PACS2: variants seen among roughly 807,000 people sequenced by gnomAD.
The protein encoded by PACS2 is PACS1-like protein.
PACS2 carries 36 observed loss-of-function variants against 113.0 expected under a neutral mutation model. The ratio of observed to expected loss-of-function variants is 0.32; its 90% CI spans 0.24 to 0.42. The LOEUF (loss-of-function observed/expected upper bound fraction) is 0.42. Ranked by LOEUF, PACS2 falls within the 10% of genes least tolerant of loss-of-function variation. PACS2 has a pLI of 1.00. For synonymous variants in PACS2, 589 were observed against 536.1 expected, an observed-to-expected ratio of 1.10 and a Z score of -1.36; for missense variants, 1,015 against 1,239.5, an observed-to-expected ratio of 0.82 and a Z score of 2.72.
chr14:105,380,563 C>T (rs1353925838), intron 11 of PACS2, among the ~76,000 whole-genome samples: 5 of 151,382 alleles, frequency 3.3e-5, no homozygotes, highest in Middle Eastern at 3.4e-3. Context: ...TCCCCAGACT[C>T]ACCCTACCTT....
intron 1 of PACS2, among the ~76,000 whole-genome samples, chr14:105,320,136 C>G (rs2140833213): frequency 6.6e-6 from 1 of 152,132 alleles, no homozygotes; most frequent in African/African-American, 2.4e-5. Flanking sequence ...CACCACCACG[C>G]CCAGCGAATT....
rs782151393 is a variant in PACS2, at chr14:105,368,504, C to T, written c.706C>T (p.Arg236Trp). ...TGACGTGGGGAAGCCGAAGAAGCAG[C>T]GGAGATCGATTGTAAGAACGACGTC... ...DFDVGKPKKQ[R>W]RSIVRTTSMT... The change falls in exon 7 of 25, where the codon CGG becomes TGG. Residue 236 changes from arginine (R) to tryptophan (W), a missense_variant. By Grantham distance (101) the Arg-to-Trp change is moderately radical. Around this residue, in one of 3 missense-constraint regions of PACS2, gnomAD observed 859 missense variants for 1,056.8 expected, o/e 0.81. Coordinates refer to ENST00000447393, the MANE Select transcript of PACS2 (RefSeq NM_001100913.3). 3.1e-6 allele frequency: 5 copies of T among 1,614,008 alleles called. No individual in the cohort carries two copies. Among genetic ancestry groups the T allele is most frequent in the Non-Finnish European group, 1.7e-6 (2 of 1,179,934 alleles).
At chr14:105,392,360 A>C in intron 22 of PACS2, 2 of 524,738 alleles carry the variant, frequency 3.8e-6, no homozygotes, top group Non-Finnish European at 6.9e-6. Context: ...TCCAAGGGGC[A>C]GCTTGGAGAG....
chr14:105,335,282 C>T (rs1340079477), intron 1 of PACS2, among the ~76,000 whole-genome samples: 1 of 152,226 alleles, frequency 6.6e-6, no homozygotes, highest in African/African-American at 2.4e-5. Flanking sequence ...CCAGAGGCAC[C>T]CTGGGCTCAG....
chr14:105,312,364 C>A (rs745549413), upstream of PACS2, among the ~76,000 whole-genome samples: 3 of 152,248 alleles, frequency 2.0e-5, no homozygotes, highest in Non-Finnish European at 2.9e-5. Context: ...CCTCCGGGGA[C>A]CCCGGGCAGC....
chr14:105,382,751 G>C, intron 14 of PACS2, 56 bp from the exon 15 acceptor site: 1 of 1,152,534 alleles, frequency 8.7e-7, no homozygotes, highest in Non-Finnish European at 1.3e-6. Context: ...AGGGTCAGGT[G>C]CTGGGGGTGG....
In PACS2 at chr14:105,323,680, G is replaced by C. The variant is rs80077004; in HGVS notation, c.119+8643G>C. 7.9e-4 allele frequency among the ~76,000 whole-genome samples: 120 copies of C among 152,374 alleles called. 1 individual carries two copies. In the East Asian group the frequency reaches 0.015, roughly 20 times the overall value. ...GGTGGAGATTGCCTCAGGGTGTGCAGGTGGAGATGGGTGGGAGGTGTCGTG... is the reference window on the plus strand; with the variant it reads ...GGTGGAGATTGCCTCAGGGTGTGCACGTGGAGATGGGTGGGAGGTGTCGTG... On this transcript the variant is annotated intron_variant, in intron 1 of 24. Transcript: ENST00000447393. The surrounding 1 kb of genome is among the most constrained non-coding windows in gnomAD (Gnocchi z 4.1).
In PACS2 at chr14:105,323,850, G is replaced by C. The variant is rs932620920; in HGVS notation, c.119+8813G>C. Among the ~76,000 whole-genome samples the C allele has an allele frequency of 1.2e-4, 19 of 152,254 alleles. No individual in the cohort carries two copies. Among genetic ancestry groups the C allele is most frequent in the African/African-American group, 4.3e-4 (18 of 41,472 alleles). ...CTCGAGCTGGGGCCAAGGGGCAGCA[G>C]GACGGTGCCCGTAGCCCTGGAGGCC... On this transcript the variant is annotated intron_variant, in intron 1 of 24. Transcript: ENST00000447393. The surrounding 1 kb of genome is among the most constrained non-coding windows in gnomAD (Gnocchi z 4.1).
intron 19 of PACS2, among the ~76,000 whole-genome samples, chr14:105,386,440 G>C (rs2081178887): frequency 6.6e-6 from 1 of 152,134 alleles, no homozygotes; most frequent in Admixed American, 6.5e-5. Flanking sequence ...TGGGGGTAAA[G>C]AGTTTTCATT....
At chr14:105,384,159 G>T in intron 16 of PACS2, 194 bp from the exon 17 acceptor site, 1 of 567,878 alleles carries the variant, frequency 1.8e-6, no homozygotes, top group Non-Finnish European at 3.2e-6. Context: ...CAGGGCTGGA[G>T]CTCCTTCAGC....
chr14:105,392,586 G>T lies in PACS2; in HGVS notation c.2256-33G>T, dbSNP rs1190531323. 1.9e-6 allele frequency: 3 copies of T among 1,542,144 alleles called. No individual in the cohort carries two copies. The African/African-American group carries it at 4.1e-5, about 21-fold the overall frequency. ...TGTCCCCATCACTAGGCCCAAAGAT[G>T]CAGGTGTGAATGCCTCCCTCTGCCT... On this transcript the variant is annotated intron_variant, in intron 22 of 24. Coordinates refer to ENST00000447393, the MANE Select transcript of PACS2 (RefSeq NM_001100913.3).
intron 1 of PACS2, among the ~76,000 whole-genome samples, chr14:105,344,468 A>G (rs2059845802): frequency 6.6e-6 from 1 of 152,128 alleles, no homozygotes; most frequent in Admixed American, 6.5e-5. Flanking sequence ...TATACCAGCT[A>G]TCTATTTCAT....
intron 1 of PACS2, among the ~76,000 whole-genome samples, chr14:105,347,124 C>T (rs2059970834): frequency 6.7e-6 from 1 of 148,508 alleles, no homozygotes; most frequent in African/African-American, 2.5e-5. Context: ...TGGTGTCTGC[C>T]CCTTGGCTTC....
chr14:105,382,350 C>A, intron 13 of PACS2, 127 bp from the exon 14 acceptor site: 1 of 731,000 alleles, frequency 1.4e-6, no homozygotes, highest in Non-Finnish European at 2.4e-6. Flanking sequence ...AGCTGGCCAG[C>A]TCTCTTCCTG....
chr14:105,362,850 C>T (rs930011233), intron 4 of PACS2, among the ~76,000 whole-genome samples: 1 of 152,164 alleles, frequency 6.6e-6, no homozygotes, highest in Non-Finnish European at 1.5e-5. Context: ...AACTCCAACT[C>T]AAATAATAAT....
intron 4 of PACS2, among the ~76,000 whole-genome samples, chr14:105,359,113 C>T (rs913773237): frequency 6.6e-6 from 1 of 151,996 alleles, no homozygotes; most frequent in South Asian, 2.1e-4. Flanking sequence ...ATGGCGACCT[C>T]CCAGGCCTTC....
intron 1 of PACS2, among the ~76,000 whole-genome samples, chr14:105,347,958 G>T (rs902633372): frequency 1.3e-5 from 2 of 152,204 alleles, no homozygotes; most frequent in Non-Finnish European, 2.9e-5. Context: ...TGTCCCTGGC[G>T]TCTCCAGCAC....
chr14:105,316,207 G>A (rs1040682808), intron 1 of PACS2, among the ~76,000 whole-genome samples: 8 of 151,910 alleles, frequency 5.3e-5, no homozygotes, highest in Non-Finnish European at 1.2e-4. Flanking sequence ...TGCACCTGGC[G>A]GGGCCTCCCG....
intron 11 of PACS2, 46 bp from the exon 12 acceptor site, chr14:105,380,911 G>T: frequency 6.4e-7 from 1 of 1,570,990 alleles, no homozygotes; most frequent in South Asian, 1.2e-5. Flanking sequence ...GCCGCAGCAC[G>T]GGTGTGGTTT....
Sources: allele counts gnomAD v4.1 joint callset (sites outside exome capture counted in the v4.1 genomes callset), GRCh38; gene constraint gnomAD v4.1.1; regional missense constraint gnomAD v4.1.1; non-coding constraint Gnocchi (gnomAD v3.1); transcripts MANE v1.5; gene names NCBI Gene and HGNC (gene_info 2026-07-23, HGNC 2026-07-21).